The following GALNT14 variants were observed in gnomAD, a reference collection of about 807,000 sequenced individuals.
The protein encoded by GALNT14 is polypeptide N-acetylgalactosaminyltransferase 14.
GALNT14 carries 60 observed loss-of-function variants against 77.5 expected under a neutral mutation model. The observed-to-expected ratio is 0.77, with a 90% CI of 0.63 to 0.96. The LOEUF (loss-of-function observed/expected upper bound fraction) is 0.96. Among genes scored for constraint, GALNT14 ranks in the 40% least tolerant of loss-of-function variants. The pLI is 0.00. For synonymous variants in GALNT14, 280 were observed against 281.7 expected (o/e 0.99, Z 0.06); for missense variants, 710 against 731.0 (o/e 0.97, Z 0.33).
chr2:30,946,211 C>T (rs899931262), intron 6 of GALNT14, among the ~76,000 whole-genome samples: 2 of 152,124 alleles, frequency 1.3e-5, no homozygotes. Flanking sequence ...AAGGCCTTCA[C>T]CACGAGTGGG....
At chr2:31,057,644 T>C (rs1287614885) in intron 1 of GALNT14, among the ~76,000 whole-genome samples, 1 of 151,970 alleles carries the variant, frequency 6.6e-6, no homozygotes, top group East Asian at 1.9e-4. Flanking sequence ...ATGTGGCAAC[T>C]ACACTCTATC....
At chr2:31,024,068 T>C (rs1444388364) in intron 1 of GALNT14, among the ~76,000 whole-genome samples, 1 of 147,194 alleles carries the variant, frequency 6.8e-6, no homozygotes, top group Non-Finnish European at 1.5e-5. Flanking sequence ...TAGAGGCAAA[T>C]CCATGCTTCC....
intron 1 of GALNT14, among the ~76,000 whole-genome samples, chr2:31,048,102 ACT>A (rs1181774698): frequency 2.6e-5 from 4 of 152,036 alleles, no homozygotes; most frequent in Non-Finnish European, 5.9e-5. Context: ...AGCTCCTACC[ACT>A]CTGAGTGAAA....
intron 1 of GALNT14, among the ~76,000 whole-genome samples, chr2:31,082,534 G>A (rs910956496): frequency 1.3e-5 from 2 of 152,190 alleles, no homozygotes; most frequent in African/African-American, 4.8e-5. Context: ...CTGAAAACAT[G>A]AATTAGGTAT....
chr2:31,034,635 A>T (rs1383214411), intron 1 of GALNT14, among the ~76,000 whole-genome samples: 1 of 151,460 alleles, frequency 6.6e-6, no homozygotes, highest in Non-Finnish European at 1.5e-5. Flanking sequence ...TTTTAGATTT[A>T]GTTTAGTTTG....
intron 1 of GALNT14, among the ~76,000 whole-genome samples, chr2:31,061,505 G>A (rs955628719): frequency 6.6e-6 from 1 of 152,072 alleles, no homozygotes; most frequent in African/African-American, 2.4e-5. Context: ...TACTATCAGA[G>A]TGATCTTCCT....
chr2:31,085,201 A>T (rs1676366116), intron 1 of GALNT14, among the ~76,000 whole-genome samples: 1 of 152,130 alleles, frequency 6.6e-6, no homozygotes, highest in Admixed American at 6.5e-5. Flanking sequence ...AATTTGCCTA[A>T]CTAGAAATCT....
At chr2:30,890,745 A>G in the GALNT14 span, among the ~76,000 whole-genome samples, 1 of 152,222 alleles carries the variant, frequency 6.6e-6, no homozygotes, top group Non-Finnish European at 1.5e-5. Context: ...CCTTGTCTGC[A>G]TCTCTCATTA....
At chr2:30,975,645 T>C (rs1668584840) in intron 2 of GALNT14, among the ~76,000 whole-genome samples, 1 of 152,230 alleles carries the variant, frequency 6.6e-6, no homozygotes, top group African/African-American at 2.4e-5. Flanking sequence ...AGCTCACATC[T>C]ATTTCTATTG....
chr2:30,972,387 C>T (rs1001456883), intron 2 of GALNT14, among the ~76,000 whole-genome samples: 2 of 152,230 alleles, frequency 1.3e-5, no homozygotes, highest in Non-Finnish European at 2.9e-5. Context: ...TGAACCTTCG[C>T]TGCTTGGAGC....
chr2:30,927,122 T>C (rs781084515), intron 11 of GALNT14, among the ~76,000 whole-genome samples: 2 of 152,168 alleles, frequency 1.3e-5, no homozygotes, highest in Non-Finnish European at 2.9e-5. Flanking sequence ...CAAAGCCCCC[T>C]AAGGAGTGTG....
intron 9 of GALNT14, among the ~76,000 whole-genome samples, chr2:30,932,716 G>T (rs1412455824): frequency 6.6e-6 from 1 of 152,192 alleles, no homozygotes; most frequent in African/African-American, 2.4e-5. Flanking sequence ...TCACGGCAAG[G>T]ATGCAACAAA....
intron 2 of GALNT14, among the ~76,000 whole-genome samples, chr2:30,977,756 T>C (rs1483646838): frequency 1.3e-5 from 2 of 152,148 alleles, no homozygotes; most frequent in African/African-American, 4.8e-5. Flanking sequence ...CATTCTGGTC[T>C]GAAGCAGGGA....
At chr2:30,894,256 G>A in the GALNT14 span, among the ~76,000 whole-genome samples, 3 of 152,204 alleles carry the variant, frequency 2.0e-5, no homozygotes, top group East Asian at 1.9e-4. Context: ...AGCCTCAGTA[G>A]ACCTGGTTAC....
rs1667984771 is a variant in GALNT14 at position 30,966,054 on chromosome 2, G to C, written c.398+150C>G. On this transcript the variant is annotated intron_variant, in intron 3 of 14. Transcript: ENST00000349752. The stretch of plus-strand genomic sequence containing the variant: ...CCTTACAGGAATGTGAGGAGTGACT[G>C]AGTGGACACATGTGACATATAGAAT... The C allele has an allele frequency of 6.6e-6, 4 of 609,324 alleles. No individual in the cohort carries two copies. The Admixed American group carries it at 1.0e-4, about 15-fold the overall frequency. 37.7% of individuals were successfully genotyped at this position (609,324 alleles called of 1,614,324 possible).
intron 2 of GALNT14, among the ~76,000 whole-genome samples, chr2:30,989,356 C>G (rs1472284719): frequency 6.6e-6 from 1 of 151,728 alleles, no homozygotes; most frequent in African/African-American, 2.4e-5. Context: ...ACTTAGTGAT[C>G]TTAATGCTCT....
At position 30,958,502 on chromosome 2, in the gene GALNT14, T is replaced by C. The variant is rs77036688; in HGVS notation, c.399-38A>G. 5.2e-3 allele frequency: 8,072 copies of C among 1,542,654 alleles called. 216 individuals are homozygous for C. Among genetic ancestry groups the C allele is most frequent in the South Asian group, 0.042 (3,772 of 89,422 alleles). ...AACAGAAAAAAATCACTGGAACTTC[T>C]AGTGGCAAAATATATGTACTAACCC... On this transcript the variant is annotated intron_variant, in intron 3 of 14. Transcript: ENST00000349752.
intron 1 of GALNT14, among the ~76,000 whole-genome samples, chr2:31,032,659 C>G (rs925317538): frequency 8.5e-5 from 13 of 152,052 alleles, no homozygotes. Flanking sequence ...AGATTATTTC[C>G]CAATCCCCAC....
chr2:30,956,075 A>G, intron 4 of GALNT14, 98 bp from the exon 5 acceptor site: 1 of 1,188,338 alleles, frequency 8.4e-7, no homozygotes, highest in South Asian at 1.3e-5. Context: ...TAGGTGAGGC[A>G]GCCCTGTCCA....
Sources: allele counts gnomAD v4.1 joint callset (sites outside exome capture counted in the v4.1 genomes callset), GRCh38; gene constraint gnomAD v4.1.1; transcripts MANE v1.5; gene names NCBI Gene and HGNC (gene_info 2026-07-23, HGNC 2026-07-21).